The following CTIF variants were observed in gnomAD, a reference collection of about 807,000 sequenced individuals.
CTIF encodes the protein cap binding complex dependent translation initiation factor.
A neutral mutation model predicts 66.0 loss-of-function variants in CTIF; 21 were observed. That is an observed-to-expected ratio of 0.32 (90% CI 0.23 to 0.46). CTIF has a LOEUF of 0.46. Ranked by LOEUF, CTIF falls within the 20% of genes least tolerant of loss-of-function variation. The pLI is 1.00. For missense variants in CTIF, 739 were observed against 812.7 expected (o/e 0.91, Z 1.10); for synonymous variants, 345 against 326.4 (o/e 1.06, Z -0.62).
chr18:48,571,016 A>AAGT (rs1292273494), intron 1 of CTIF, among the ~76,000 whole-genome samples: 1 of 152,214 alleles, frequency 6.6e-6, no homozygotes, highest in African/African-American at 2.4e-5. Flanking sequence ...AAGATGCCTA[A>AAGT]AGTAGTTAAT....
intron 7 of CTIF, among the ~76,000 whole-genome samples, chr18:48,743,426 A>C (rs1211028806): frequency 6.6e-6 from 1 of 152,276 alleles, no homozygotes; most frequent in Non-Finnish European, 1.5e-5. Context: ...CAAGAATTCC[A>C]AACAGCGGGC....
chr18:48,541,563 C>T (rs946640222), intron 1 of CTIF, among the ~76,000 whole-genome samples: 1 of 152,192 alleles, frequency 6.6e-6, no homozygotes, highest in African/African-American at 2.4e-5. Flanking sequence ...TCAAGAAAAC[C>T]CAATTATACG....
chr18:48,614,652 G>A (rs1268704762), intron 1 of CTIF, among the ~76,000 whole-genome samples: 2 of 152,184 alleles, frequency 1.3e-5, no homozygotes, highest in African/African-American at 2.4e-5. Context: ...TCTTATAGGA[G>A]GTACCTGGAA....
chr18:48,713,688 G>A (rs746596579), intron 7 of CTIF, among the ~76,000 whole-genome samples: 1 of 152,150 alleles, frequency 6.6e-6, no homozygotes, highest in Non-Finnish European at 1.5e-5. Context: ...AGGCCGGAGG[G>A]AAGGAACATC....
intron 6 of CTIF, among the ~76,000 whole-genome samples, chr18:48,677,369 T>C (rs1356515733): frequency 6.6e-6 from 1 of 152,216 alleles, no homozygotes; most frequent in East Asian, 1.9e-4. Flanking sequence ...ATAGCCATTA[T>C]GGACTGAGTT....
intron 1 of CTIF, among the ~76,000 whole-genome samples, chr18:48,582,245 G>A (rs1335963676): frequency 6.6e-6 from 1 of 152,074 alleles, no homozygotes; most frequent in Non-Finnish European, 1.5e-5. Context: ...GCTTGGCAAG[G>A]CGGCAGGGGG....
intron 9 of CTIF, among the ~76,000 whole-genome samples, chr18:48,788,067 G>A (rs1025518862): frequency 3.3e-5 from 5 of 152,146 alleles, no homozygotes; most frequent in African/African-American, 1.2e-4. Flanking sequence ...TGCTGACCTT[G>A]AGCTGGGACC....
At chr18:48,678,750 G>A (rs954184188) in intron 6 of CTIF, among the ~76,000 whole-genome samples, 1 of 152,154 alleles carries the variant, frequency 6.6e-6, no homozygotes, top group African/African-American at 2.4e-5. Flanking sequence ...AAGGCAGGGA[G>A]CTGGGACTGT....
intron 5 of CTIF, among the ~76,000 whole-genome samples, chr18:48,667,082 G>GACACACACACACACACACACACACAC (rs4044188): frequency 7.0e-6 from 1 of 142,180 alleles, no homozygotes; most frequent in African/African-American, 2.6e-5. Flanking sequence ...CAGGAAAGTA[G>GACACACACACACACACACACACACAC]ACACACACAC....
intron 7 of CTIF, among the ~76,000 whole-genome samples, chr18:48,727,486 A>T (rs552252917): frequency 6.6e-6 from 1 of 152,132 alleles, no homozygotes; most frequent in Admixed American, 6.5e-5. Flanking sequence ...GAGCTTCTTT[A>T]TATTTTGTAC....
chr18:48,678,559 G>A (rs936572434), intron 6 of CTIF, among the ~76,000 whole-genome samples: 10 of 151,480 alleles, frequency 6.6e-5, no homozygotes, highest in Non-Finnish European at 1.5e-4. Flanking sequence ...TCTGTGAGGC[G>A]AGCCTATTTT....
intron 10 of CTIF, among the ~76,000 whole-genome samples, chr18:48,818,325 G>C (rs1027726399): frequency 2.6e-5 from 4 of 152,234 alleles, no homozygotes; most frequent in Non-Finnish European, 5.9e-5. Context: ...TTCTGAGTTA[G>C]AGCCAGCAGG....
intron 6 of CTIF, among the ~76,000 whole-genome samples, chr18:48,685,733 G>T (rs2091829793): frequency 6.6e-6 from 1 of 151,748 alleles, no homozygotes; most frequent in Non-Finnish European, 1.5e-5. Context: ...CTGAAGTGGA[G>T]TGGTGCGATC....
intron 9 of CTIF, among the ~76,000 whole-genome samples, chr18:48,783,831 G>A (rs1315907821): frequency 7.9e-5 from 12 of 151,794 alleles, no homozygotes; most frequent in South Asian, 2.1e-4. Flanking sequence ...GCCGACCACC[G>A]CCCTCTGACC....
intron 3 of CTIF, among the ~76,000 whole-genome samples, chr18:48,641,150 T>G (rs765283478): frequency 6.6e-6 from 1 of 152,222 alleles, no homozygotes; most frequent in South Asian, 2.1e-4. Flanking sequence ...ATTGTTGAAA[T>G]GAGAGACTGC....
Position 48,730,368 on chromosome 18 carries a change from CCT to C in CTIF, c.584+18674_584+18675del, listed in dbSNP as rs1598939326. 3.1e-4 allele frequency among the ~76,000 whole-genome samples: 28 copies of C among 89,308 alleles called. No individual in the cohort carries two copies. In the East Asian group the frequency reaches 8.0e-3, roughly 26 times the overall value. The allele number at this position is 89,308 out of a possible 152,430, so 58.6% of individuals were successfully genotyped here. ...AGGGGCTCCTGCTGTGTGAGGGGCCCCTGCGGTGTGAGGGGCTCCTGCTGTGT... is the reference window on the plus strand; with the variant it reads ...AGGGGCTCCTGCTGTGTGAGGGGCCCGCGGTGTGAGGGGCTCCTGCTGTGT... On this transcript the variant is annotated intron_variant, in intron 7 of 11. Transcript: ENST00000256413.
intron 7 of CTIF, among the ~76,000 whole-genome samples, chr18:48,731,452 C>T (rs1263962719): frequency 1.3e-5 from 2 of 152,170 alleles, no homozygotes; most frequent in African/African-American, 2.4e-5. Context: ...TCACCATATT[C>T]CCCACCCTCT....
At chr18:48,721,469 G>A (rs2092335054) in intron 7 of CTIF, among the ~76,000 whole-genome samples, 1 of 152,178 alleles carries the variant, frequency 6.6e-6, no homozygotes, top group Admixed American at 6.5e-5. Flanking sequence ...CCTCTCCGGA[G>A]CCCCAAGCAA....
intron 1 of CTIF, among the ~76,000 whole-genome samples, chr18:48,607,635 A>G (rs1157676848): frequency 2.0e-5 from 3 of 152,202 alleles, no homozygotes; most frequent in African/African-American, 4.8e-5. Context: ...CCAGGAGCTC[A>G]TAGTTTAGCT....
Sources: gnomAD v4.1 joint callset for allele counts (sites outside exome capture counted in the v4.1 genomes callset) on GRCh38, gnomAD v4.1.1 for gene constraint, MANE v1.5 for transcripts, NCBI Gene and HGNC (gene_info 2026-07-23, HGNC 2026-07-21) for gene names.